Variants in PROS1 observed in about 807,000 individuals in gnomAD.
PROS1 encodes the protein vitamin K-dependent protein S.
Under a neutral mutation model 75.9 loss-of-function variants are expected in PROS1, and 29 were observed. The observed-to-expected ratio is 0.38, with a 90% confidence interval of 0.28 to 0.52. PROS1 has a LOEUF of 0.52. Ranked by LOEUF, PROS1 falls within the 20% of genes least tolerant of loss-of-function variation. PROS1 has a pLI of 0.83. For synonymous variants in PROS1, 245 were observed against 280.6 expected, an observed-to-expected ratio of 0.87 and a Z score of 1.27; for missense variants, 680 against 810.3, an observed-to-expected ratio of 0.84 and a Z score of 1.95.
intron 9 of PROS1, 40 bp downstream of exon 9, chr3:93,896,536 G>C (rs762959991): frequency 1.4e-5 from 20 of 1,466,210 alleles, no homozygotes; most frequent in Non-Finnish European, 1.8e-5. Flanking sequence ...GCCCTTATCT[G>C]CTTAACCTCT....
chr3:93,914,156 C>T lies in PROS1; in HGVS notation c.260-3451G>A, dbSNP rs533172240. Among the ~76,000 whole-genome samples, 59 of 152,296 alleles carry T rather than the reference C, an allele frequency of 3.9e-4. 1 individual carries two copies. In the East Asian group the frequency reaches 9.3e-3, roughly 24 times the overall value. On this transcript the variant is annotated intron_variant, in intron 3 of 14. Coordinates refer to ENST00000394236, the MANE Select transcript of PROS1 (RefSeq NM_000313.4). ...CAGCAGCTCTCCCAGACAGAAGTTG[C>T]ATACTGGTAGCCCTATAGTTCTGGG... is the stretch of plus-strand genomic sequence containing the variant.
intron 1 of PROS1, among the ~76,000 whole-genome samples, chr3:93,967,651 T>C (rs1051468777): frequency 2.6e-5 from 4 of 152,298 alleles, no homozygotes; most frequent in African/African-American, 9.6e-5. Context: ...TTTGGGAAGC[T>C]GAGGCCAGAG....
At chr3:93,952,952 T>G (rs1367197366) in intron 1 of PROS1, among the ~76,000 whole-genome samples, 1 of 152,078 alleles carries the variant, frequency 6.6e-6, no homozygotes, top group African/African-American at 2.4e-5. Flanking sequence ...TATAAACACC[T>G]CAATGCAAAT....
chr3:93,899,225 C>T (rs1490521571), intron 7 of PROS1, among the ~76,000 whole-genome samples: 5 of 151,504 alleles, frequency 3.3e-5, no homozygotes, highest in Admixed American at 1.3e-4. Context: ...CCTGTCCCTA[C>T]TCCATATTTT....
chr3:93,933,478 G>C (rs1379143012), intron 1 of PROS1, among the ~76,000 whole-genome samples: 2 of 151,968 alleles, frequency 1.3e-5, no homozygotes, highest in African/African-American at 2.4e-5. Flanking sequence ...GAGAGGCTGA[G>C]GCTGAAGGAT....
intron 1 of PROS1, among the ~76,000 whole-genome samples, chr3:93,953,320 A>G (rs974978246): frequency 9.2e-5 from 14 of 152,228 alleles, no homozygotes; most frequent in African/African-American, 2.9e-4. Context: ...CATTGATGCA[A>G]AAATCCTCAA....
chr3:93,954,316 C>T (rs1233722327), intron 1 of PROS1, among the ~76,000 whole-genome samples: 1 of 152,216 alleles, frequency 6.6e-6, no homozygotes, highest in African/African-American at 2.4e-5. Flanking sequence ...TGCTACCTCA[C>T]TTCAAACTAT....
At chr3:93,964,415 T>C (rs984343339) in intron 1 of PROS1, among the ~76,000 whole-genome samples, 3 of 152,144 alleles carry the variant, frequency 2.0e-5, no homozygotes, top group African/African-American at 7.2e-5. Flanking sequence ...ACGGCCACTC[T>C]GGGAACGTCT....
intron 1 of PROS1, among the ~76,000 whole-genome samples, chr3:93,936,107 C>T (rs933994906): frequency 4.0e-5 from 6 of 151,716 alleles, no homozygotes; most frequent in Admixed American, 1.3e-4. Flanking sequence ...ACCCCTTCCC[C>T]GCTCCAAATT....
Position 93,900,907 on chromosome 3 carries a change from C to A in PROS1, c.624G>T (p.Lys208Asn), listed in dbSNP as rs1207595576. The A allele has an allele frequency of 1.9e-6, 3 of 1,613,800 alleles. No individual in the cohort carries two copies. In the Admixed American group the frequency reaches 5.0e-5, roughly 27 times the overall value. The stretch of plus-strand genomic sequence containing the variant: ...ACACAGCTGTGCCACAAATGCTTGG[C>A]TTCAAAGAGCATTCATCCACATCTA... Reference protein sequence around the residue: ...DCKDVDECSLKPSICGTAVCK... With the variant: ...DCKDVDECSLNPSICGTAVCK... Residue 208 changes from lysine (K) to asparagine (N), a missense_variant, in exon 7 of 15, where the codon AAG becomes AAT. By Grantham distance (94) the Lys-to-Asn change is moderately conservative. Coordinates refer to ENST00000394236, the MANE Select transcript of PROS1 (RefSeq NM_000313.4).
intron 4 of PROS1, among the ~76,000 whole-genome samples, 176 bp downstream of exon 4, chr3:93,910,443 G>A (rs1708743316): frequency 6.6e-6 from 1 of 152,158 alleles, no homozygotes; most frequent in African/African-American, 2.4e-5. Context: ...TAATACAGGA[G>A]CATTTACAAC....
intron 6 of PROS1, among the ~76,000 whole-genome samples, chr3:93,901,811 T>A (rs1226288911): frequency 6.6e-6 from 1 of 152,330 alleles, no homozygotes; most frequent in Non-Finnish European, 1.5e-5. Context: ...AATTGTACTA[T>A]CATTTTGTAA....
intron 14 of PROS1, among the ~76,000 whole-genome samples, chr3:93,876,359 C>T (rs146752346): frequency 2.6e-5 from 4 of 152,104 alleles, no homozygotes; most frequent in East Asian, 1.9e-4. Context: ...GAGGCCGAGG[C>T]GAGCGGATCG....
chr3:93,893,210 T>A, intron 9 of PROS1, 88 bp from the exon 10 acceptor site: 1 of 1,169,440 alleles, frequency 8.6e-7, no homozygotes, highest in Non-Finnish European at 1.2e-6. Context: ...TGACAAACAG[T>A]AACACAGACA....
At chr3:93,885,382 C>T (rs543375104) in intron 11 of PROS1, among the ~76,000 whole-genome samples, 150 of 152,252 alleles carry the variant, frequency 9.9e-4, no homozygotes, top group African/African-American at 3.2e-3. Context: ...CCCACCACCA[C>T]GCCTGGCTAA....
At chr3:93,971,499 C>G (rs1709880914) in intron 1 of PROS1, among the ~76,000 whole-genome samples, 1 of 151,948 alleles carries the variant, frequency 6.6e-6, no homozygotes, top group South Asian at 2.1e-4. Context: ...GGCACAGTGG[C>G]TCACACCTGT....
At chr3:93,909,103 A>C (rs1231054005) in intron 4 of PROS1, among the ~76,000 whole-genome samples, 4 of 152,204 alleles carry the variant, frequency 2.6e-5, no homozygotes, top group Non-Finnish European at 2.9e-5. Flanking sequence ...GATAGATTTT[A>C]GAATAAGGAA....
intron 1 of PROS1, chr3:93,928,715 G>GA (rs776147804): frequency 3.3e-5 from 42 of 1,277,832 alleles, no homozygotes; most frequent in South Asian, 2.1e-4. Context: ...ATATAGAATA[G>GA]AAAAAATTGC....
chr3:93,879,936 C>G (rs570985160), intron 12 of PROS1, among the ~76,000 whole-genome samples: 1 of 152,104 alleles, frequency 6.6e-6, no homozygotes, highest in African/African-American at 2.4e-5. Context: ...AGGTATATAT[C>G]TCTATCATTG....
Sources: allele counts gnomAD v4.1 joint callset (sites outside exome capture counted in the v4.1 genomes callset), GRCh38; gene constraint gnomAD v4.1.1; transcripts MANE v1.5; gene names NCBI Gene and HGNC (gene_info 2026-07-23, HGNC 2026-07-21).